Variants in GLI3 observed in about 807,000 individuals in gnomAD.
The protein encoded by GLI3 is transcription activator GLI3.
Under a neutral mutation model 100.8 loss-of-function variants are expected in GLI3, and 20 were observed. That is an observed-to-expected ratio of 0.20 (90% CI 0.14 to 0.29). The LOEUF (loss-of-function observed/expected upper bound fraction) is 0.29. GLI3 is among the 10% of genes least tolerant of loss of function. The pLI, the probability that GLI3 is intolerant of heterozygous loss-of-function variation, is 1.00. For synonymous variants in GLI3, 938 were observed against 860.5 expected (o/e 1.09, Z -1.58); for missense variants, 2,040 against 2,128.5 (o/e 0.96, Z 0.82).
intron 1 of GLI3, among the ~76,000 whole-genome samples, chr7:42,232,920 A>T (rs1368864090): frequency 6.6e-6 from 1 of 152,236 alleles, no homozygotes; most frequent in Non-Finnish European, 1.5e-5. Context: ...AAACCAAAAG[A>T]CACTCACAGA....
At chr7:41,993,014 G>A (rs1788032826) in intron 10 of GLI3, among the ~76,000 whole-genome samples, 1 of 152,176 alleles carries the variant, frequency 6.6e-6, no homozygotes, top group Non-Finnish European at 1.5e-5. Context: ...CTCCCATGCT[G>A]CCTGCAAAAT....
intron 2 of GLI3, among the ~76,000 whole-genome samples, chr7:42,149,182 CA>C (rs778661310): frequency 3.2e-4 from 49 of 152,314 alleles, no homozygotes; most frequent in Non-Finnish European, 5.9e-4. Flanking sequence ...AAGAGGAACA[CA>C]GAGTGAGACT....
At chr7:42,239,281 C>T (rs1562798466), upstream of GLI3, among the ~76,000 whole-genome samples, 2 of 152,174 alleles carry the variant, frequency 1.3e-5, no homozygotes, top group African/African-American at 4.8e-5. Context: ...ATTCTCTGAG[C>T]CTCCATAGGC....
At chr7:42,208,064 C>G (rs1788190889) in intron 2 of GLI3, among the ~76,000 whole-genome samples, 1 of 152,142 alleles carries the variant, frequency 6.6e-6, no homozygotes, top group Admixed American at 6.5e-5. Flanking sequence ...GAGGCTGAGG[C>G]AGGAGAATCA....
intron 2 of GLI3, among the ~76,000 whole-genome samples, chr7:42,215,698 CT>C (rs1307437180): frequency 3.3e-5 from 5 of 152,186 alleles, no homozygotes; most frequent in African/African-American, 1.2e-4. Flanking sequence ...CCTGATTTAT[CT>C]GATATTCATT....
intron 4 of GLI3, among the ~76,000 whole-genome samples, chr7:42,056,895 TC>T (rs1288114355): frequency 6.6e-6 from 1 of 151,132 alleles, no homozygotes; most frequent in African/African-American, 2.4e-5. Context: ...GGCTGCAGAA[TC>T]GCTTGAACCC....
Position 42,056,686 on chromosome 7 carries a change from C to T in GLI3, c.474-7990G>A, listed in dbSNP as rs180835454. On this transcript the variant is annotated intron_variant, in intron 4 of 14. Transcript: ENST00000395925. ...AGTTTATTGGCCGGGCATAGTGGCT[C>T]GTGCCTATAATCCCAGCACTTTGGG... 2.6e-4 allele frequency among the ~76,000 whole-genome samples: 39 copies of T among 151,894 alleles called. 1 individual carries two copies. The highest frequency in any genetic ancestry group is 9.2e-4 in the African/African-American group (38 of 41,438).
At chr7:41,988,825 TTC>T (rs1383339909) in intron 10 of GLI3, among the ~76,000 whole-genome samples, 1 of 152,204 alleles carries the variant, frequency 6.6e-6, no homozygotes, top group Non-Finnish European at 1.5e-5. Context: ...GTTTTCTGAG[TTC>T]TAAGTTATTT....
intron 1 of GLI3, among the ~76,000 whole-genome samples, chr7:42,261,720 C>G (rs903811849): frequency 4.6e-5 from 7 of 152,194 alleles, no homozygotes; most frequent in African/African-American, 1.7e-4. Flanking sequence ...CAGGATGAGG[C>G]AGTGCCTGAT....
chr7:42,133,918 C>T (rs961830540), intron 3 of GLI3, among the ~76,000 whole-genome samples: 6 of 151,892 alleles, frequency 4.0e-5, no homozygotes, highest in South Asian at 2.1e-4. Flanking sequence ...ACCGTATCTA[C>T]TATAAATACA....
At chr7:42,130,509 T>C (rs1786250041) in intron 3 of GLI3, among the ~76,000 whole-genome samples, 1 of 152,182 alleles carries the variant, frequency 6.6e-6, no homozygotes, top group South Asian at 2.1e-4. Flanking sequence ...GAAATTAAGA[T>C]TATGACTGCA....
intron 4 of GLI3, among the ~76,000 whole-genome samples, chr7:42,060,331 AGTT>A (rs1462997845): frequency 2.0e-5 from 3 of 152,096 alleles, no homozygotes; most frequent in African/African-American, 7.2e-5. Context: ...TGGCCGGGTG[AGTT>A]CAGCTATGAT....
intron 4 of GLI3, among the ~76,000 whole-genome samples, chr7:42,065,970 A>G (rs187615598): frequency 1.3e-5 from 2 of 152,150 alleles, no homozygotes; most frequent in Non-Finnish European, 2.9e-5. Context: ...CGTTAGGGGC[A>G]CTTAGCAAGC....
chr7:42,196,291 G>T (rs1787926968), intron 2 of GLI3, among the ~76,000 whole-genome samples: 2 of 152,134 alleles, frequency 1.3e-5, no homozygotes, highest in South Asian at 4.1e-4. Flanking sequence ...GATTATCTAG[G>T]CTAGAGAATG....
intron 3 of GLI3, among the ~76,000 whole-genome samples, chr7:42,095,919 G>A (rs566294776): frequency 4.6e-5 from 7 of 152,302 alleles, no homozygotes; most frequent in African/African-American, 1.4e-4. Context: ...CCTGGAGGGA[G>A]GCTGGCAGTT....
At chr7:42,046,266 G>T (rs1251591364) in intron 5 of GLI3, among the ~76,000 whole-genome samples, 1 of 152,182 alleles carries the variant, frequency 6.6e-6, no homozygotes, top group Non-Finnish European at 1.5e-5. Context: ...TAGAGATCTG[G>T]ATTTAAACTG....
At chr7:42,148,797 A>G (rs1004281347) in intron 2 of GLI3, among the ~76,000 whole-genome samples, 3 of 152,166 alleles carry the variant, frequency 2.0e-5, no homozygotes, top group South Asian at 2.1e-4. Context: ...GGGCTGGCCA[A>G]CATCTTGCAG....
At chr7:42,224,563 T>C (rs1562792539) in intron 1 of GLI3, among the ~76,000 whole-genome samples, 1 of 152,178 alleles carries the variant, frequency 6.6e-6, no homozygotes, top group East Asian at 1.9e-4. Flanking sequence ...CCAGTGTCAT[T>C]CATTGTAAAA....
chr7:41,991,890 G>T (rs747270115), intron 10 of GLI3, among the ~76,000 whole-genome samples: 1 of 152,184 alleles, frequency 6.6e-6, no homozygotes, highest in Admixed American at 6.5e-5. Flanking sequence ...CCAAGTATAG[G>T]ATTGGGGAAT....
Sources: gnomAD v4.1 joint callset for allele counts (sites outside exome capture counted in the v4.1 genomes callset) on GRCh38, gnomAD v4.1.1 for gene constraint, MANE v1.5 for transcripts, NCBI Gene and HGNC (gene_info 2026-07-23, HGNC 2026-07-21) for gene names.